The following NAV3 variants were observed in gnomAD, a reference collection of about 807,000 sequenced individuals.
The protein encoded by NAV3 is neuron navigator 3.
A neutral mutation model predicts 244.7 loss-of-function variants in NAV3; 87 were observed. The observed-to-expected ratio is 0.36, with a 90% CI of 0.30 to 0.42. The LOEUF is 0.42. NAV3 is among the 20% of genes least tolerant of loss of function. NAV3 has a pLI of 1.00. For missense variants in NAV3, 2,663 were observed against 2,893.3 expected, an observed-to-expected ratio of 0.92 and a Z score of 1.83; for synonymous variants, 1,126 against 1,042.2, an observed-to-expected ratio of 1.08 and a Z score of -1.55.
At chr12:77,895,656 T>C (rs1213604921) in intron 1 of NAV3, among the ~76,000 whole-genome samples, 2 of 151,952 alleles carry the variant, frequency 1.3e-5, no homozygotes, top group Non-Finnish European at 2.9e-5. Context: ...AGTATCTGCA[T>C]TAAATAGTTA....
chr12:77,655,398 T>G (rs1873046789), intron 2 of NAV3, among the ~76,000 whole-genome samples: 1 of 151,628 alleles, frequency 6.6e-6, no homozygotes, highest in Non-Finnish European at 1.5e-5. Flanking sequence ...AGAAGGGAAG[T>G]TTAGAGAAAA....
intron 1 of NAV3, among the ~76,000 whole-genome samples, chr12:77,907,332 A>G (rs1886094101): frequency 6.6e-6 from 1 of 152,138 alleles, no homozygotes; most frequent in African/African-American, 2.4e-5. Flanking sequence ...GTGGAAAGCC[A>G]TTGCTTTTTG....
chr12:77,671,511 C>A (rs1420095646), intron 2 of NAV3, among the ~76,000 whole-genome samples: 1 of 152,096 alleles, frequency 6.6e-6, no homozygotes, highest in Admixed American at 6.6e-5. Flanking sequence ...TGACTTCAAA[C>A]TATACTATAA....
chr12:77,909,823 T>C (rs1886393979), intron 1 of NAV3, among the ~76,000 whole-genome samples: 1 of 152,112 alleles, frequency 6.6e-6, no homozygotes, highest in African/African-American at 2.4e-5. Flanking sequence ...AAAATCTTAA[T>C]GGTATCACAA....
chr12:78,092,397 T>G (rs1953991632), intron 12 of NAV3, among the ~76,000 whole-genome samples: 1 of 151,500 alleles, frequency 6.6e-6, no homozygotes, highest in Non-Finnish European at 1.5e-5. Flanking sequence ...TATAAAATAA[T>G]AGATCTTTAA....
At position 78,205,111 on chromosome 12, in the gene NAV3, G is replaced by A. The variant is rs9971904; in HGVS notation, c.7011G>A (p.Pro2337=). 0.45 allele frequency: 729,259 copies of A among 1,612,478 alleles called. 174,906 individuals are homozygous for A. Among genetic ancestry groups the A allele is most frequent in the East Asian group, 0.82 (36,892 of 44,772 alleles). Residue 2337 remains proline (P), a synonymous_variant, in exon 39 of 40, where the codon CCG becomes CCA. Coordinates refer to ENST00000397909, the MANE Select transcript of NAV3 (RefSeq NM_001024383.2). ...AAGCCACAACCTCAAAGCACATTCC[G>A]CAAACTGACACAGAAGGAGATCCCC... ...TKEATTSKHI[P]QTDTEGDPLM... is the part of the protein sequence containing the mutation.
chr12:77,849,837 G>A (rs1877229795), intron 1 of NAV3, among the ~76,000 whole-genome samples: 1 of 152,090 alleles, frequency 6.6e-6, no homozygotes, highest in African/African-American at 2.4e-5. Context: ...TCCAATGGTG[G>A]TCACGTGTGT....
rs539668890 is a variant in NAV3, at chr12:77,889,040, C to T, written c.244-51279C>T. 1.3e-3 allele frequency among the ~76,000 whole-genome samples: 199 copies of T among 152,284 alleles called. 1 individual carries two copies. Among genetic ancestry groups the T allele is most frequent in the Middle Eastern group, 3.4e-3 (1 of 294 alleles). On this transcript the variant is annotated intron_variant, in intron 1 of 39. Coordinates refer to ENST00000397909, the MANE Select transcript of NAV3 (RefSeq NM_001024383.2). ...GCCCAGCATGATGGTTAGCATCCAC[C>T]TTTTGTGTGGTGCAATGGTTTATTT... is the stretch of plus-strand genomic sequence containing the variant.
Position 78,005,821 on chromosome 12 carries a change from G to A in NAV3, c.881-598G>A, listed in dbSNP as rs192282343. ...GGGCTGTTGTGAAATAATGCAGTTA[G>A]AGAACCTTCAATAAAATGTCAGTTA... is the stretch of plus-strand genomic sequence containing the variant. On this transcript the variant is annotated intron_variant, in intron 7 of 39. Coordinates refer to ENST00000397909, the MANE Select transcript of NAV3 (RefSeq NM_001024383.2). Among the ~76,000 whole-genome samples, 72 of 152,268 alleles carry A rather than the reference G, an allele frequency of 4.7e-4. 1 individual carries two copies. The East Asian group carries it at 0.011, about 24-fold the overall frequency.
intron 1 of NAV3, among the ~76,000 whole-genome samples, chr12:77,902,367 T>C (rs1286969429): frequency 6.6e-6 from 1 of 152,216 alleles, no homozygotes; most frequent in East Asian, 1.9e-4. Flanking sequence ...ACTGAGCCTA[T>C]GAAAAATACA....
At chr12:77,770,897 G>A (rs1870043298) in intron 2 of NAV3, among the ~76,000 whole-genome samples, 1 of 152,106 alleles carries the variant, frequency 6.6e-6, no homozygotes, top group African/African-American at 2.4e-5. Flanking sequence ...GGCAACAAAA[G>A]CCAAAATTGA....
chr12:77,648,408 G>A (rs967157951), intron 2 of NAV3, among the ~76,000 whole-genome samples: 18 of 152,022 alleles, frequency 1.2e-4, no homozygotes, highest in African/African-American at 4.3e-4. Context: ...AAATATCAAA[G>A]GTAGTTAACA....
At chr12:78,133,234 A>G (rs967948872) in intron 18 of NAV3, among the ~76,000 whole-genome samples, 2 of 152,118 alleles carry the variant, frequency 1.3e-5, no homozygotes, top group Non-Finnish European at 2.9e-5. Flanking sequence ...TGAGATCTTT[A>G]TGCTGTATGG....
At chr12:78,050,179 G>A (rs1882525046) in intron 10 of NAV3, 78 bp downstream of exon 10, 1 of 966,078 alleles carries the variant, frequency 1.0e-6, no homozygotes, top group Non-Finnish European at 1.6e-6. Flanking sequence ...TTCTTATAAT[G>A]ACAGAGATGG....
intron 1 of NAV3, among the ~76,000 whole-genome samples, chr12:77,833,105 A>G (rs527717400): frequency 2.6e-5 from 4 of 152,116 alleles, no homozygotes; most frequent in African/African-American, 7.2e-5. Context: ...TCCCTTCCCC[A>G]CCATTCCTCC....
chr12:77,924,688 T>C (rs2137221472), intron 1 of NAV3, among the ~76,000 whole-genome samples: 1 of 152,292 alleles, frequency 6.6e-6, no homozygotes, highest in Non-Finnish European at 1.5e-5. Context: ...TCTATGAAAG[T>C]AAATTAGTTT....
chr12:77,761,678 G>T (rs558008205), intron 2 of NAV3, among the ~76,000 whole-genome samples: 1 of 152,136 alleles, frequency 6.6e-6, no homozygotes, highest in Admixed American at 6.6e-5. Flanking sequence ...ATGAAAAAAA[G>T]CTCATCATCA....
At chr12:77,769,852 C>T (rs1869980372) in intron 2 of NAV3, among the ~76,000 whole-genome samples, 1 of 152,064 alleles carries the variant, frequency 6.6e-6, no homozygotes, top group Non-Finnish European at 1.5e-5. Context: ...TTTAAAAATT[C>T]ATCACTTTCT....
At chr12:77,883,049 C>T (rs1882855719) in intron 1 of NAV3, among the ~76,000 whole-genome samples, 1 of 152,088 alleles carries the variant, frequency 6.6e-6, no homozygotes, top group South Asian at 2.1e-4. Flanking sequence ...GAACTTAAAA[C>T]AGAGCAACCA....
Sources: allele counts gnomAD v4.1 joint callset (sites outside exome capture counted in the v4.1 genomes callset), GRCh38; gene constraint gnomAD v4.1.1; transcripts MANE v1.5; gene names NCBI Gene and HGNC (gene_info 2026-07-23, HGNC 2026-07-21).